Variants in SYNE1 observed in about 807,000 individuals in gnomAD.
SYNE1 encodes nesprin-1.
SYNE1 carries 616 observed loss-of-function variants against 1,111.0 expected under a neutral mutation model. The ratio of observed to expected loss-of-function variants is 0.55; its 90% confidence interval spans 0.52 to 0.59. The LOEUF is 0.59. Ranked by LOEUF, SYNE1 falls within the 20% of genes least tolerant of loss-of-function variation. The pLI is 0.00. For missense variants in SYNE1, 10,006 were observed against 10,417.0 expected (o/e 0.96, Z 1.72); for synonymous variants, 3,855 against 3,825.8 (o/e 1.01, Z -0.28).
At chr6:152,587,674 G>A (rs2128481889) in intron 3 of SYNE1, among the ~76,000 whole-genome samples, 1 of 152,226 alleles carries the variant, frequency 6.6e-6, no homozygotes, top group South Asian at 2.1e-4. Flanking sequence ...ATCCTCTCTT[G>A]TAGAGGGTCT....
At position 152,278,086 on chromosome 6, in the gene SYNE1, C is replaced by T. The variant is rs886044046; in HGVS notation, c.18573+3G>A. On this transcript the variant is annotated splice_donor_region_variant and intron_variant, in intron 98 of 145. Coordinates refer to ENST00000367255, the MANE Select transcript of SYNE1 (RefSeq NM_182961.4). ...GCTGTGGGCCAGCGGCTGGAACCCT[C>T]ACCTGCATGTTGAGCTGCTTATCAT... The T allele has an allele frequency of 2.5e-6, 4 of 1,613,728 alleles. No homozygotes were observed. Among genetic ancestry groups the T allele is most frequent in the Non-Finnish European group, 3.4e-6 (4 of 1,179,946 alleles).
intron 137 of SYNE1, chr6:152,145,402 T>C: frequency 7.5e-7 from 1 of 1,327,922 alleles, no homozygotes; most frequent in Non-Finnish European, 1.1e-6. Flanking sequence ...GCCACAAAGC[T>C]GGGAGAGAGA....
intron 3 of SYNE1, among the ~76,000 whole-genome samples, chr6:152,565,794 C>T (rs976756041): frequency 6.6e-6 from 1 of 152,118 alleles, no homozygotes; most frequent in African/African-American, 2.4e-5. Flanking sequence ...CTCACTTAAG[C>T]CTTATTTCCA....
intron 72 of SYNE1, among the ~76,000 whole-genome samples, chr6:152,348,934 T>G (rs1339325180): frequency 6.6e-6 from 1 of 152,128 alleles, no homozygotes; most frequent in Non-Finnish European, 1.5e-5. Flanking sequence ...TGTCTCTGAG[T>G]TGGAACAGAA....
intron 40 of SYNE1, among the ~76,000 whole-genome samples, chr6:152,417,923 G>A (rs978601286): frequency 6.6e-6 from 1 of 151,820 alleles, no homozygotes; most frequent in African/African-American, 2.4e-5. Context: ...TTCCAAATCC[G>A]AGTTGTATTT....
At chr6:152,325,004 AAAGGGGCAAAAT>A in intron 81 of SYNE1, 68 bp downstream of exon 81, 8 of 1,541,574 alleles carry the variant, frequency 5.2e-6, no homozygotes, top group Non-Finnish European at 7.2e-6. Context: ...CTGACTTCAA[AAAGGGGCAAAAT>A]ACTGTGTTTC....
chr6:152,313,925 T>C (rs2095630938), intron 87 of SYNE1, among the ~76,000 whole-genome samples: 1 of 152,062 alleles, frequency 6.6e-6, no homozygotes, highest in South Asian at 2.1e-4. Context: ...ACTGCTCGAG[T>C]CATAGAAACC....
chr6:152,615,276 A>G (rs908742874), intron 3 of SYNE1, among the ~76,000 whole-genome samples: 2 of 152,192 alleles, frequency 1.3e-5, no homozygotes, highest in East Asian at 1.9e-4. Flanking sequence ...AGATCATTGT[A>G]TAGGTAATGT....
Position 152,436,055 on chromosome 6 carries a change from A to G in SYNE1, c.4196T>C (p.Leu1399Pro), listed in dbSNP as rs754773565. 1.2e-6 allele frequency: 2 copies of G among 1,613,936 alleles called. No homozygotes were observed. The highest frequency in any genetic ancestry group is 2.7e-5 in the African/African-American group (2 of 74,906). The part of the protein sequence containing the change: ...TESIAVQAEN[L>P]VKEASEIPLG... ...CGGTATCTCTGAAGCTTCCTTTACA[A>G]GGTTCTCAGCCTGGACTGCAATACT... The change falls in exon 33 of 146, where the codon CTT (leucine) becomes CCT (proline). Residue 1399 changes from leucine (L) to proline (P), a missense_variant. By Grantham distance (98) the Leu-to-Pro change is moderately conservative. Transcript: ENST00000367255.
intron 3 of SYNE1, among the ~76,000 whole-genome samples, chr6:152,615,536 G>C (rs1422298978): frequency 2.6e-5 from 4 of 151,866 alleles, no homozygotes; most frequent in Non-Finnish European, 5.9e-5. Context: ...AAGAATTATT[G>C]TTTTGAAAAG....
At chr6:152,460,302 A>G (rs1023517803) in intron 21 of SYNE1, among the ~76,000 whole-genome samples, 16 of 152,204 alleles carry the variant, frequency 1.1e-4, no homozygotes, top group Admixed American at 1.0e-3. Context: ...CACAACCTTT[A>G]AATTATAAAT....
intron 126 of SYNE1, among the ~76,000 whole-genome samples, chr6:152,203,082 T>C (rs924579536): frequency 6.6e-6 from 1 of 152,192 alleles, no homozygotes; most frequent in Non-Finnish European, 1.5e-5. Flanking sequence ...AAAACATCTA[T>C]TGTGTGGTTA....
chr6:152,604,012 ATATC>A (rs1042746627), intron 3 of SYNE1, among the ~76,000 whole-genome samples: 8 of 149,770 alleles, frequency 5.3e-5, no homozygotes, highest in African/African-American at 1.5e-4. Context: ...ATACATATGT[ATATC>A]TATATCTAGA....
chr6:152,180,240 T>C lies in SYNE1; in HGVS notation c.23356A>G (p.Ser7786Gly), dbSNP rs1249041879. 6.2e-7 allele frequency: 1 copy of C among 1,614,162 alleles called. No homozygotes were observed. The highest frequency in any genetic ancestry group is 1.1e-5 in the South Asian group (1 of 91,080). The change falls in exon 129 of 146, where the codon AGT becomes GGT. Residue 7786 changes from serine to glycine, a missense_variant. Around this residue, in one of 7 missense-constraint regions of SYNE1, gnomAD observed 2,182 missense variants for 2,287.8 expected, o/e 0.95. Transcript: ENST00000367255. ...GERLNEWAVF[S>G]EKNKELCEWL... The stretch of plus-strand genomic sequence containing the variant: ...TCACAGAGTTCCTTGTTCTTTTCAC[T>C]GAAGACTGCCCATTCATTCAATCTT...
chr6:152,505,375 C>A lies in SYNE1; in HGVS notation c.604G>T (p.Asp202Tyr), dbSNP rs1488531137. ...CCGCTTCTCCAACTCTTCCCAAAAT[C>A]TTTTACTTCTATTCCAGTCTGCCTT... ...AGKQTGIEVK[D>Y]FGKSWRSGVA... The change falls in exon 9 of 146, where the codon GAT becomes TAT. Residue 202 changes from aspartate to tyrosine, a missense_variant. Asp to Tyr is a radical substitution (Grantham distance 160). Coordinates refer to ENST00000367255, the MANE Select transcript of SYNE1 (RefSeq NM_182961.4). 1 of 1,613,990 alleles carries A rather than the reference C, an allele frequency of 6.2e-7. No homozygotes were observed. The highest frequency in any genetic ancestry group is 8.5e-7 in the Non-Finnish European group (1 of 1,179,994).
chr6:152,468,529 A>C (rs2098784910), intron 16 of SYNE1, among the ~76,000 whole-genome samples: 1 of 152,194 alleles, frequency 6.6e-6, no homozygotes, highest in African/African-American at 2.4e-5. Flanking sequence ...GGCCTAAATT[A>C]ATGATAGAAA....
At chr6:152,416,236 A>G (rs985624492) in intron 41 of SYNE1, 151 bp downstream of exon 41, 26 of 1,065,562 alleles carry the variant, frequency 2.4e-5, no homozygotes, top group Non-Finnish European at 3.5e-5. Flanking sequence ...GCATGACTCA[A>G]CTCAGCTTAA....
At chr6:152,483,811 C>T (rs930648489) in intron 13 of SYNE1, among the ~76,000 whole-genome samples, 1 of 151,942 alleles carries the variant, frequency 6.6e-6, no homozygotes, top group Non-Finnish European at 1.5e-5. Context: ...TTCTCAGACA[C>T]ATTTCCTAGC....
intron 104 of SYNE1, 100 bp downstream of exon 104, chr6:152,254,780 T>C: frequency 9.3e-7 from 1 of 1,073,582 alleles, no homozygotes; most frequent in African/African-American, 1.6e-5. Context: ...TCATTACGCA[T>C]TTAGAAAAAC....
Sources: gnomAD v4.1 joint callset for allele counts (sites outside exome capture counted in the v4.1 genomes callset) on GRCh38, gnomAD v4.1.1 for gene constraint, gnomAD v4.1.1 regional missense constraint, MANE v1.5 for transcripts, NCBI Gene and HGNC (gene_info 2026-07-23, HGNC 2026-07-21) for gene names.